The following SLCO4A1 variants were observed in gnomAD, a reference collection of about 807,000 sequenced individuals.
SLCO4A1 encodes the protein colon organic anion transporter.
A neutral mutation model predicts 64.6 loss-of-function variants in SLCO4A1; 51 were observed. The observed-to-expected ratio is 0.79, with a 90% confidence interval of 0.63 to 1.00. The LOEUF is 1.00. SLCO4A1 is among the 50% of genes least tolerant of loss of function. SLCO4A1 has a pLI of 0.00. For synonymous variants in SLCO4A1, 471 were observed against 444.9 expected (o/e 1.06, Z -0.74); for missense variants, 919 against 980.5 (o/e 0.94, Z 0.84).
At chr20:62,670,139 G>A (rs1601679388) in intron 11 of SLCO4A1, 1 of 152,254 alleles carries the variant, frequency 6.6e-6, no homozygotes, top group East Asian at 1.9e-4. Context: ...TTATTCTGCA[G>A]GGAGCTTTGG....
rs747866699 is a variant in SLCO4A1 at position 62,672,039 on chromosome 20, C to T, written c.*146C>T. ...TGTGGTTTAAAGTCGGCTGTGACCT[C>T]CTGTCCCCAGAGCTGTACGGCCCTG... On this transcript the variant is annotated 3_prime_UTR_variant, in exon 12 of 12. Coordinates refer to ENST00000217159, the MANE Select transcript of SLCO4A1 (RefSeq NM_016354.4). The T allele has an allele frequency of 2.6e-6, 4 of 1,552,936 alleles. No individual in the cohort carries two copies. In the East Asian group the frequency reaches 9.5e-5, roughly 37 times the overall value.
downstream of SLCO4A1, among the ~76,000 whole-genome samples, chr20:62,675,283 C>T (rs548198291): frequency 1.7e-4 from 26 of 152,222 alleles, no homozygotes; most frequent in South Asian, 5.0e-3. Context: ...CTTCGTGGTG[C>T]GTGATGGATG....
At chr20:62,665,249 G>GCCCC in intron 6 of SLCO4A1, 161 bp downstream of exon 6, 1 of 724,022 alleles carries the variant, frequency 1.4e-6, no homozygotes, top group Non-Finnish European at 2.2e-6. Context: ...CGGGGGCTGA[G>GCCCC]CGACTCTGTC....
chr20:62,667,651 G>A, intron 7 of SLCO4A1, 94 bp from the exon 8 acceptor site: 1 of 1,422,426 alleles, frequency 7.0e-7, no homozygotes. Flanking sequence ...AATGCAGGCT[G>A]CATGGGGACG....
At position 62,657,158 on chromosome 20, in the gene SLCO4A1, T is replaced by G; in HGVS notation, c.704T>G (p.Phe235Cys). ...RYQLVFMLGQ[F>C]LHGVGATPLY... ...CAGCTGGTCTTCATGCTGGGCCAGT[T>G]CCTGCATGGCGTGGGTGCCACACCC... The change falls in exon 2 of 12, where the codon TTC becomes TGC. Residue 235 changes from phenylalanine (F) to cysteine (C), a missense_variant. Physicochemically the swap from Phe to Cys is radical, Grantham distance 205. Coordinates refer to ENST00000217159, the MANE Select transcript of SLCO4A1 (RefSeq NM_016354.4). 6.4e-7 allele frequency: 1 copy of G among 1,559,902 alleles called. No homozygotes were observed. Among genetic ancestry groups the G allele is most frequent in the South Asian group, 1.2e-5 (1 of 85,750 alleles).
chr20:62,656,548 A>T lies in SLCO4A1; in HGVS notation c.94A>T (p.Arg32Trp). The change falls in exon 2 of 12, where the codon AGG (arginine) becomes TGG (tryptophan). Residue 32 changes from arginine (R) to tryptophan (W), a missense_variant. Transcript: ENST00000217159. ...NGLDHTPPSRRASPGTPLSPG... is the reference protein window; with the variant it reads ...NGLDHTPPSRWASPGTPLSPG... ...GCTTGACCACACCCCACCCAGCAGG[A>T]GGGCATCCCCGGGCACACCCCTGAG... 3.8e-6 allele frequency: 6 copies of T among 1,581,714 alleles called. No homozygotes were observed. Among genetic ancestry groups the T allele is most frequent in the Non-Finnish European group, 4.3e-6 (5 of 1,169,192 alleles).
At chr20:62,671,681 C>A in intron 11 of SLCO4A1, 69 bp from the exon 12 acceptor site, 1 of 1,473,056 alleles carries the variant, frequency 6.8e-7, no homozygotes, top group Non-Finnish European at 9.3e-7. Flanking sequence ...AGGACTGGGA[C>A]AGGCCCACCA....
chr20:62,656,877 G>C lies in SLCO4A1; in HGVS notation c.423G>C (p.Gln141His), dbSNP rs1320580403. 1.3e-6 allele frequency: 2 copies of C among 1,586,048 alleles called. No homozygotes were observed. Among genetic ancestry groups the C allele is most frequent in the Non-Finnish European group, 1.7e-6 (2 of 1,160,420 alleles). ...GCCGCTATGACCTGCACAGCTACCA[G>C]AGCGGGCTCATCGCCAGCTCCTACG... is the stretch of plus-strand genomic sequence containing the variant. ...LERRYDLHSY[Q>H]SGLIASSYDI... The change falls in exon 2 of 12, where the codon CAG becomes CAC. Residue 141 changes from glutamine to histidine, a missense_variant. Gln to His is a conservative substitution (Grantham distance 24). Coordinates refer to ENST00000217159, the MANE Select transcript of SLCO4A1 (RefSeq NM_016354.4).
intron 2 of SLCO4A1, among the ~76,000 whole-genome samples, chr20:62,678,373 T>G (rs1317845334): frequency 6.6e-6 from 1 of 152,114 alleles, no homozygotes; most frequent in Non-Finnish European, 1.5e-5. Context: ...CCGTCGCCGG[T>G]AGACGTGGAG....
In SLCO4A1 at chr20:62,661,714, C is replaced by A. The variant is rs1045916464; in HGVS notation, c.1121+539C>A. Among the ~76,000 whole-genome samples the A allele has an allele frequency of 6.6e-6, 1 of 151,888 alleles. No homozygotes were observed. The highest frequency in any genetic ancestry group is 6.5e-5 in the Admixed American group (1 of 15,272). The stretch of plus-strand genomic sequence containing the variant: ...CTGAGGACCTCCCCCCTCTACCCGG[C>A]GTGTCCCGCTCACCCTCTGGGGAGG... On this transcript the variant is annotated intron_variant, in intron 5 of 11. Transcript: ENST00000217159. This position sits in a 1 kb window ranked among gnomAD's most constrained non-coding sequence, Gnocchi z 5.2.
At chr20:62,650,193 A>G (rs1175305622) in intron 1 of SLCO4A1, 2 of 152,216 alleles carry the variant, frequency 1.3e-5, no homozygotes, top group Non-Finnish European at 2.9e-5. Flanking sequence ...TTTTGTCAAA[A>G]CCAATTCCAA....
intron 1 of SLCO4A1, chr20:62,649,513 C>G (rs1982046189): frequency 6.6e-6 from 1 of 152,338 alleles, no homozygotes; most frequent in Non-Finnish European, 1.5e-5. Flanking sequence ...GCGTCAGAGG[C>G]TGTAGAGTGG....
intron 2 of SLCO4A1, among the ~76,000 whole-genome samples, chr20:62,679,869 A>T (rs1002632173): frequency 6.6e-6 from 1 of 152,224 alleles, no homozygotes; most frequent in African/African-American, 2.4e-5. Context: ...AAACGTCAGA[A>T]AAGTTTCAGG....
In SLCO4A1 at chr20:62,668,939, C is replaced by T. The variant is rs764439123; in HGVS notation, c.1886C>T (p.Pro629Leu). ...GGGCTTCTCTCCGCAGGGGGCATCC[C>T]GGGGCCCATCGCCTTCGGCTGGGTG... ...WIVVRILGGIPGPIAFGWVID... is the reference protein window; with the variant it reads ...WIVVRILGGILGPIAFGWVID... The change falls in exon 11 of 12, where the codon CCG (proline) becomes CTG (leucine). Residue 629 changes from proline (P) to leucine (L), a missense_variant. Pro to Leu is a moderately conservative substitution (Grantham distance 98, BLOSUM62 -3). Coordinates refer to ENST00000217159, the MANE Select transcript of SLCO4A1 (RefSeq NM_016354.4). The T allele has an allele frequency of 5.6e-6, 9 of 1,604,214 alleles. No individual in the cohort carries two copies. The highest frequency in any genetic ancestry group is 6.8e-6 in the Non-Finnish European group (8 of 1,179,874).
At chr20:62,647,955 C>A (rs1420103050) in intron 1 of SLCO4A1, among the ~76,000 whole-genome samples, 1 of 152,234 alleles carries the variant, frequency 6.6e-6, no homozygotes, top group Non-Finnish European at 1.5e-5. Context: ...ACTGACCAGG[C>A]CAGCATGAGG....
chr20:62,676,673 C>T (rs1987610801), downstream of SLCO4A1, among the ~76,000 whole-genome samples: 1 of 152,212 alleles, frequency 6.6e-6, no homozygotes, highest in South Asian at 2.1e-4. Context: ...AATCCTCACA[C>T]ACTATGGGTG....
At chr20:62,651,221 T>C (rs1411442333) in intron 1 of SLCO4A1, 19 of 152,204 alleles carry the variant, frequency 1.2e-4, no homozygotes, top group Admixed American at 1.2e-3. Flanking sequence ...CCCTTTCCAA[T>C]CTAGACACCG....
downstream of SLCO4A1, among the ~76,000 whole-genome samples, chr20:62,674,740 G>C (rs1325527554): frequency 6.6e-6 from 1 of 152,232 alleles, no homozygotes; most frequent in Non-Finnish European, 1.5e-5. Flanking sequence ...TCAGGGAGGT[G>C]ACTAGGGTGA....
rs566921127 is a variant in SLCO4A1, at chr20:62,645,499, C to A, written c.-97+2946C>A. ...GGGTGAGGACCCACCCACACCCGCA[C>A]CCTCACCCTCATCCTCACCCGCAGC... On this transcript the variant is annotated intron_variant, in intron 1 of 11. Coordinates refer to ENST00000217159, the MANE Select transcript of SLCO4A1 (RefSeq NM_016354.4). The surrounding 1 kb of genome is among the most constrained non-coding windows in gnomAD (Gnocchi z 4.2). Among the ~76,000 whole-genome samples, 288 of 147,162 alleles carry A rather than the reference C, an allele frequency of 2.0e-3. 3 individuals carry two copies. Among genetic ancestry groups the A allele is most frequent in the African/African-American group, 6.5e-3 (261 of 40,088 alleles).
Sources: allele counts gnomAD v4.1 joint callset (sites outside exome capture counted in the v4.1 genomes callset), GRCh38; gene constraint gnomAD v4.1.1; non-coding constraint Gnocchi (gnomAD v3.1); transcripts MANE v1.5; gene names NCBI Gene and HGNC (gene_info 2026-07-23, HGNC 2026-07-21).